Variants in STAG1 observed in about 807,000 individuals in gnomAD.
STAG1 encodes the protein cohesin subunit SA-1.
Under a neutral mutation model 170.9 loss-of-function variants are expected in STAG1, and 26 were observed. That is an observed-to-expected ratio of 0.15 (90% CI 0.11 to 0.21). The LOEUF (loss-of-function observed/expected upper bound fraction) is 0.21. STAG1 is among the 10% of genes least tolerant of loss of function. The pLI is 1.00. For missense variants in STAG1, 964 were observed against 1,509.5 expected, an observed-to-expected ratio of 0.64 and a Z score of 5.99; for synonymous variants, 514 against 497.7, an observed-to-expected ratio of 1.03 and a Z score of -0.44.
At chr3:136,629,581 G>A (rs560160509) in intron 2 of STAG1, among the ~76,000 whole-genome samples, 42 of 151,626 alleles carry the variant, frequency 2.8e-4, no homozygotes, top group Non-Finnish European at 5.3e-4. Context: ...CCCATATGTC[G>A]GCGAAAGGAC....
At chr3:136,578,662 C>T (rs1023458056) in intron 4 of STAG1, among the ~76,000 whole-genome samples, 1 of 152,236 alleles carries the variant, frequency 6.6e-6, no homozygotes, top group Non-Finnish European at 1.5e-5. Context: ...TATTAATAGA[C>T]ACTGTCTCTG....
chr3:136,486,533 G>T (rs924798764), intron 9 of STAG1, among the ~76,000 whole-genome samples: 1 of 152,150 alleles, frequency 6.6e-6, no homozygotes, highest in Non-Finnish European at 1.5e-5. Flanking sequence ...CTCTGCCGAG[G>T]ATCCATTACA....
chr3:136,496,927 A>G (rs1559840751), intron 9 of STAG1, among the ~76,000 whole-genome samples: 1 of 151,802 alleles, frequency 6.6e-6, no homozygotes, highest in Non-Finnish European at 1.5e-5. Context: ...AGAGAGAGGG[A>G]GAGAGAGAGA....
chr3:136,427,657 G>GT (rs1418806802), intron 16 of STAG1, among the ~76,000 whole-genome samples: 10 of 141,796 alleles, frequency 7.1e-5, no homozygotes, highest in African/African-American at 2.6e-4. Context: ...AAGGACCATT[G>GT]TAAAAAAAAA....
intron 1 of STAG1, among the ~76,000 whole-genome samples, chr3:136,649,531 C>A: frequency 6.9e-6 from 1 of 145,942 alleles, no homozygotes; most frequent in Non-Finnish European, 1.5e-5. Flanking sequence ...AAGAAAGGGT[C>A]CAGTTTGACT....
rs181321499 is a variant in STAG1 at position 136,350,214 on chromosome 3, C to T, written c.3066-851G>A. On this transcript the variant is annotated intron_variant, in intron 28 of 33. Coordinates refer to ENST00000383202, the MANE Select transcript of STAG1 (RefSeq NM_005862.3). Reference sequence around the variant, plus strand: ...TGTAGCATTTGATCCACAACCTGTTCCCTTCCCTTGTTTCCTTCTCCCTGC... The same window carrying T: ...TGTAGCATTTGATCCACAACCTGTTTCCTTCCCTTGTTTCCTTCTCCCTGC... 1.6e-3 allele frequency among the ~76,000 whole-genome samples: 242 copies of T among 152,224 alleles called. 1 individual carries two copies. The highest frequency in any genetic ancestry group is 2.9e-3 in the Non-Finnish European group (194 of 68,008).
At chr3:136,419,223 A>T (rs2087872995) in intron 20 of STAG1, among the ~76,000 whole-genome samples, 1 of 144,740 alleles carries the variant, frequency 6.9e-6, no homozygotes, top group Admixed American at 6.8e-5. Flanking sequence ...AAAAAAATAA[A>T]AGTTTGCTTT....
intron 4 of STAG1, among the ~76,000 whole-genome samples, chr3:136,585,728 T>C (rs1937783619): frequency 6.6e-6 from 1 of 152,174 alleles, no homozygotes. Flanking sequence ...AATCCTGTAC[T>C]GAGATCAAAG....
intron 30 of STAG1, among the ~76,000 whole-genome samples, chr3:136,341,957 C>T (rs1935992452): frequency 6.6e-6 from 1 of 151,940 alleles, no homozygotes; most frequent in South Asian, 2.1e-4. Flanking sequence ...TTTATGGAGT[C>T]AAATCTGCAC....
intron 1 of STAG1, among the ~76,000 whole-genome samples, chr3:136,720,472 G>A (rs1933176350): frequency 6.6e-6 from 1 of 152,122 alleles, no homozygotes; most frequent in African/African-American, 2.4e-5. Flanking sequence ...AGCTATCTGA[G>A]CTCAATAACA....
At chr3:136,639,088 C>A (rs1377950092) in intron 1 of STAG1, among the ~76,000 whole-genome samples, 1 of 151,600 alleles carries the variant, frequency 6.6e-6, no homozygotes. Flanking sequence ...CACACACCTT[C>A]CTGTCAAAAT....
chr3:136,751,125 T>G (rs1207600682), intron 1 of STAG1, among the ~76,000 whole-genome samples: 1 of 152,206 alleles, frequency 6.6e-6, no homozygotes, highest in Non-Finnish European at 1.5e-5. Context: ...TCTATCCATC[T>G]TAACACCAAC....
chr3:136,518,252 T>C (rs574272416), intron 7 of STAG1: 6 of 583,650 alleles, frequency 1.0e-5, no homozygotes, highest in African/African-American at 5.6e-5. Context: ...ACTAACCTGA[T>C]TGTCTCTCTT....
chr3:136,452,901 T>C (rs2088987054), intron 13 of STAG1, among the ~76,000 whole-genome samples: 1 of 152,136 alleles, frequency 6.6e-6, no homozygotes, highest in Non-Finnish European at 1.5e-5. Flanking sequence ...GCAATTCTCC[T>C]GCCTCAGCCT....
At chr3:136,644,041 G>A (rs1196596150) in intron 1 of STAG1, among the ~76,000 whole-genome samples, 1 of 152,054 alleles carries the variant, frequency 6.6e-6, no homozygotes, top group Non-Finnish European at 1.5e-5. Flanking sequence ...TAATCATGTT[G>A]TGAGCATTTG....
intron 13 of STAG1, among the ~76,000 whole-genome samples, chr3:136,463,387 G>A (rs1170250219): frequency 6.6e-6 from 1 of 152,152 alleles, no homozygotes; most frequent in Non-Finnish European, 1.5e-5. Context: ...GTTAGTCAAT[G>A]ATGCACAACA....
chr3:136,559,392 TA>T (rs546455530), intron 5 of STAG1, among the ~76,000 whole-genome samples: 50 of 151,706 alleles, frequency 3.3e-4, no homozygotes, highest in Non-Finnish European at 6.3e-4. Context: ...AAATAACAAT[TA>T]AAAAAAAGCA....
chr3:136,470,466 C>A (rs903934910), intron 12 of STAG1, among the ~76,000 whole-genome samples: 17 of 152,216 alleles, frequency 1.1e-4, no homozygotes, highest in African/African-American at 4.1e-4. Flanking sequence ...CAATGGCGAT[C>A]ATTAAAAAGT....
intron 1 of STAG1, among the ~76,000 whole-genome samples, chr3:136,642,257 A>G (rs1453061195): frequency 6.9e-6 from 1 of 144,568 alleles, no homozygotes; most frequent in Non-Finnish European, 1.5e-5. Context: ...TGTAACAGAC[A>G]GAATTTCTTT....
Sources: allele counts gnomAD v4.1 joint callset (sites outside exome capture counted in the v4.1 genomes callset), GRCh38; gene constraint gnomAD v4.1.1; transcripts MANE v1.5; gene names NCBI Gene and HGNC (gene_info 2026-07-23, HGNC 2026-07-21).